CSMD3: variants seen among roughly 807,000 people sequenced by gnomAD.
The protein encoded by CSMD3 is CUB and Sushi multiple domains 3.
A neutral mutation model predicts 435.2 loss-of-function variants in CSMD3; 177 were observed. The ratio of observed to expected loss-of-function variants is 0.41; its 90% confidence interval spans 0.36 to 0.46. The LOEUF (loss-of-function observed/expected upper bound fraction) is 0.46. Among genes scored for constraint, CSMD3 ranks in the 20% least tolerant of loss-of-function variants. The pLI is 0.34. For synonymous variants in CSMD3, 1,656 were observed against 1,520.5 expected, an observed-to-expected ratio of 1.09 and a Z score of -2.07; for missense variants, 4,265 against 4,504.6, an observed-to-expected ratio of 0.95 and a Z score of 1.52.
chr8:113,386,718 C>T (rs1193118457), intron 1 of CSMD3, among the ~76,000 whole-genome samples: 2 of 151,848 alleles, frequency 1.3e-5, no homozygotes, highest in Non-Finnish European at 2.9e-5. Flanking sequence ...ATGTGATCCA[C>T]AGACCACTAC....
In CSMD3 at chr8:112,255,286, C is replaced by G. The variant is rs1215511339; in HGVS notation, c.10004G>C (p.Gly3335Ala). The G allele has an allele frequency of 3.7e-6, 6 of 1,613,428 alleles. No individual in the cohort carries two copies. Among genetic ancestry groups the G allele is most frequent in the Non-Finnish European group, 5.1e-6 (6 of 1,179,664 alleles). Residue 3335 changes from glycine (G) to alanine (A), a missense_variant, in exon 62 of 71, where the codon GGC (glycine) becomes GCC (alanine). Transcript: ENST00000297405. Reference protein sequence around the residue: ...GSSTRICQADGTWSGSSPHCI... With the variant: ...GSSTRICQADATWSGSSPHCI... The stretch of plus-strand genomic sequence containing the variant: ...GTGAGGTGATGAACCACTCCAAGTG[C>G]CATCTGCTTGACATATTCTGGTGCT...
At chr8:112,811,868 C>G (rs2079237511) in intron 12 of CSMD3, among the ~76,000 whole-genome samples, 1 of 152,128 alleles carries the variant, frequency 6.6e-6, no homozygotes, top group Non-Finnish European at 1.5e-5. Flanking sequence ...CCTCAATGGC[C>G]AGTTCTTCTC....
intron 22 of CSMD3, among the ~76,000 whole-genome samples, chr8:112,608,584 C>CTATATA (rs142309902): frequency 1.7e-4 from 25 of 149,066 alleles, no homozygotes; most frequent in African/African-American, 5.9e-4. Flanking sequence ...GGCATGAAAA[C>CTATATA]TATATATATA....
intron 2 of CSMD3, chr8:113,314,259 A>G: frequency 3.4e-6 from 1 of 297,454 alleles, no homozygotes; most frequent in Non-Finnish European, 6.4e-6. Context: ...CTTTATCAAA[A>G]GTTATATCCA....
chr8:112,903,723 T>G (rs934554790), intron 10 of CSMD3, among the ~76,000 whole-genome samples: 8 of 151,476 alleles, frequency 5.3e-5, no homozygotes, highest in Non-Finnish European at 1.2e-4. Context: ...AACACAATCG[T>G]CCTTATTCTT....
intron 13 of CSMD3, among the ~76,000 whole-genome samples, chr8:112,707,001 G>T (rs572662290): frequency 1.1e-4 from 17 of 152,052 alleles, no homozygotes; most frequent in Non-Finnish European, 2.2e-4. Flanking sequence ...GAACAAAGTG[G>T]AATATAGATT....
At chr8:112,432,299 A>T (rs1267521781) in intron 32 of CSMD3, among the ~76,000 whole-genome samples, 1 of 151,984 alleles carries the variant, frequency 6.6e-6, no homozygotes, top group Non-Finnish European at 1.5e-5. Context: ...AAGTTATAAA[A>T]TTTATTCAAC....
intron 1 of CSMD3, among the ~76,000 whole-genome samples, chr8:113,432,674 G>A (rs2094681921): frequency 6.6e-6 from 1 of 152,170 alleles, no homozygotes; most frequent in Non-Finnish European, 1.5e-5. Flanking sequence ...TCCCCAATGT[G>A]CTTTCCGAAC....
chr8:112,689,606 A>C (rs1169901371), intron 14 of CSMD3, among the ~76,000 whole-genome samples: 2 of 152,058 alleles, frequency 1.3e-5, no homozygotes, highest in Admixed American at 6.6e-5. Context: ...TCTAGAAAGT[A>C]TAAAATGTCA....
intron 12 of CSMD3, among the ~76,000 whole-genome samples, chr8:112,804,675 A>T (rs3887721): frequency 0.56 from 74,865 of 134,034 alleles, 19,023 homozygotes; most frequent in East Asian, 0.75. Context: ...ATTTTATTTT[A>T]TTTTTTTTGA....
chr8:112,558,564 T>C (rs970796706), intron 24 of CSMD3, among the ~76,000 whole-genome samples: 1 of 151,818 alleles, frequency 6.6e-6, no homozygotes, highest in Non-Finnish European at 1.5e-5. Context: ...ATCCAATAAA[T>C]TTATTATGCT....
intron 13 of CSMD3, among the ~76,000 whole-genome samples, chr8:112,767,250 T>C (rs2132176058): frequency 6.6e-6 from 1 of 151,950 alleles, no homozygotes; most frequent in South Asian, 2.1e-4. Context: ...ATTACAATAA[T>C]TTGACATTGG....
intron 4 of CSMD3, among the ~76,000 whole-genome samples, chr8:113,140,160 A>G (rs1007392804): frequency 4.0e-5 from 6 of 151,240 alleles, no homozygotes; most frequent in South Asian, 2.1e-4. Context: ...AGAAACGGAC[A>G]TTATATATAA....
chr8:113,050,543 A>G (rs2088041823), intron 5 of CSMD3, among the ~76,000 whole-genome samples: 1 of 152,126 alleles, frequency 6.6e-6, no homozygotes, highest in Admixed American at 6.5e-5. Context: ...AACTATTCCA[A>G]TGATATAAAG....
chr8:112,740,127 A>G (rs1323231720), intron 13 of CSMD3, among the ~76,000 whole-genome samples: 1 of 151,798 alleles, frequency 6.6e-6, no homozygotes, highest in African/African-American at 2.4e-5. Flanking sequence ...ATTTTAAAAA[A>G]TTCTAGTCTC....
chr8:112,287,208 C>T lies in CSMD3; in HGVS notation c.9187G>A (p.Gly3063Ser), dbSNP rs778757447. Residue 3063 changes from glycine to serine, a missense_variant, in exon 58 of 71, where the codon GGC (glycine) becomes AGC (serine). Coordinates refer to ENST00000297405, the MANE Select transcript of CSMD3 (RefSeq NM_198123.2). Reference sequence around the variant, plus strand: ...TTGCTTTCCTGTCTAGAGCCATGGCCGGGAGTACCTGGATCGCCACATGTC... The same window carrying T: ...TTGCTTTCCTGTCTAGAGCCATGGCTGGGAGTACCTGGATCGCCACATGTC... Reference protein sequence around the residue: ...TGTCGDPGTPGHGSRQESNFR... With the variant: ...TGTCGDPGTPSHGSRQESNFR... 20 of 1,613,608 alleles carry T rather than the reference C, an allele frequency of 1.2e-5. No homozygotes were observed. Among genetic ancestry groups the T allele is most frequent in the Middle Eastern group, 1.7e-4 (1 of 6,058 alleles).
intron 7 of CSMD3, among the ~76,000 whole-genome samples, chr8:112,974,852 C>A (rs2084787705): frequency 6.6e-6 from 1 of 151,234 alleles, no homozygotes; most frequent in Admixed American, 6.6e-5. Context: ...TTATACAGAC[C>A]ATTACTTAAA....
chr8:113,082,922 T>C (rs2089624044), intron 5 of CSMD3, among the ~76,000 whole-genome samples: 1 of 151,802 alleles, frequency 6.6e-6, no homozygotes, highest in Admixed American at 6.6e-5. Context: ...TACAAGAAAA[T>C]GAATAAAGCC....
intron 34 of CSMD3, 97 bp downstream of exon 34, chr8:112,408,221 C>G: frequency 2.2e-6 from 2 of 894,646 alleles, no homozygotes; most frequent in South Asian, 1.3e-5. Context: ...CTTAAAAACA[C>G]TTTTATCTAG....
Sources: gnomAD v4.1 joint callset for allele counts (sites outside exome capture counted in the v4.1 genomes callset) on GRCh38, gnomAD v4.1.1 for gene constraint, MANE v1.5 for transcripts, NCBI Gene and HGNC (gene_info 2026-07-23, HGNC 2026-07-21) for gene names.